Variants in ADGRB3 observed in about 807,000 individuals in gnomAD.
ADGRB3 encodes the protein adhesion G protein-coupled receptor B3, also known as brain-specific angiogenesis inhibitor 3.
In ADGRB3, 37 loss-of-function variants were observed where a neutral mutation model predicts 193.4. That is an observed-to-expected ratio of 0.19 (90% CI 0.15 to 0.25). ADGRB3 has a LOEUF of 0.25. Among genes scored for constraint, ADGRB3 ranks in the 10% least tolerant of loss-of-function variants. The pLI is 1.00. For missense variants in ADGRB3, 1,637 were observed against 1,852.9 expected (o/e 0.88, Z 2.14); for synonymous variants, 690 against 644.2 (o/e 1.07, Z -1.08).
rs531729363 is a variant in ADGRB3, at chr6:69,208,524, C to T, written c.2481-24766C>T. On this transcript the variant is annotated intron_variant, in intron 17 of 31. Transcript: ENST00000370598. Reference sequence around the variant, plus strand: ...AGTTCTGCCCACTGGGAAGATTTCCCGTCACTGCTATCCTTCAGGGATGTC... The same window carrying T: ...AGTTCTGCCCACTGGGAAGATTTCCTGTCACTGCTATCCTTCAGGGATGTC... Among the ~76,000 whole-genome samples the T allele has an allele frequency of 3.9e-5, 6 of 152,314 alleles. No individual in the cohort carries two copies. In the South Asian group the frequency reaches 1.0e-3, roughly 26 times the overall value.
At chr6:69,210,980 G>C (rs1040587679) in intron 17 of ADGRB3, among the ~76,000 whole-genome samples, 2 of 152,134 alleles carry the variant, frequency 1.3e-5, no homozygotes, top group African/African-American at 4.8e-5. Context: ...AAATTAACCA[G>C]GCGTGGTGGC....
intron 17 of ADGRB3, among the ~76,000 whole-genome samples, chr6:69,111,781 G>T (rs1360930283): frequency 6.6e-6 from 1 of 152,142 alleles, no homozygotes; most frequent in African/African-American, 2.4e-5. Flanking sequence ...GTGAAATGCA[G>T]AACAAATAAA....
chr6:69,008,533 T>C (rs1769840327), intron 11 of ADGRB3, among the ~76,000 whole-genome samples: 1 of 152,204 alleles, frequency 6.6e-6, no homozygotes, highest in African/African-American at 2.4e-5. Context: ...GTCTGGCTGA[T>C]ATTTTTATAA....
chr6:68,878,351 T>G (rs1765646668), intron 3 of ADGRB3, among the ~76,000 whole-genome samples: 1 of 152,114 alleles, frequency 6.6e-6, no homozygotes, highest in Non-Finnish European at 1.5e-5. Flanking sequence ...ATTTGTTCAT[T>G]TTGGCCCTAT....
intron 3 of ADGRB3, among the ~76,000 whole-genome samples, chr6:68,862,039 C>T (rs565809645): frequency 6.6e-6 from 1 of 152,228 alleles, no homozygotes; most frequent in African/African-American, 2.4e-5. Flanking sequence ...CAGACACTGT[C>T]CTGTCCTGGA....
At chr6:68,849,148 CT>C (rs1768347215) in intron 3 of ADGRB3, among the ~76,000 whole-genome samples, 1 of 151,872 alleles carries the variant, frequency 6.6e-6, no homozygotes, top group Non-Finnish European at 1.5e-5. Context: ...AGAAATGGTT[CT>C]TGAATCATGA....
At chr6:69,089,667 T>G (rs903492720) in intron 17 of ADGRB3, among the ~76,000 whole-genome samples, 2 of 152,234 alleles carry the variant, frequency 1.3e-5, no homozygotes, top group Admixed American at 6.5e-5. Flanking sequence ...TTTATCTTTG[T>G]AGGATGTACT....
At chr6:69,252,114 C>G (rs1241107354) in intron 20 of ADGRB3, among the ~76,000 whole-genome samples, 1 of 152,078 alleles carries the variant, frequency 6.6e-6, no homozygotes, top group Non-Finnish European at 1.5e-5. Flanking sequence ...ATCGTGAATT[C>G]ATTTTTTCTG....
chr6:68,689,880 C>A (rs1201254611), intron 3 of ADGRB3, among the ~76,000 whole-genome samples: 2 of 152,070 alleles, frequency 1.3e-5, no homozygotes, highest in African/African-American at 2.4e-5. Context: ...GTTTTCTTGA[C>A]CCCAACATTT....
At chr6:69,355,894 A>T (rs373361833) in intron 28 of ADGRB3, 34 bp downstream of exon 28, 22 of 1,495,254 alleles carry the variant, frequency 1.5e-5, no homozygotes, top group Non-Finnish European at 2.0e-5. Context: ...TCTAATCAGT[A>T]GGGATGTTCA....
intron 8 of ADGRB3, among the ~76,000 whole-genome samples, chr6:68,964,869 A>G (rs1768333321): frequency 6.6e-6 from 1 of 152,156 alleles, no homozygotes; most frequent in Non-Finnish European, 1.5e-5. Context: ...ATATTTGCAA[A>G]ATGTATAAAT....
At chr6:68,782,330 C>T (rs1349242411) in intron 3 of ADGRB3, among the ~76,000 whole-genome samples, 1 of 151,728 alleles carries the variant, frequency 6.6e-6, no homozygotes, top group Non-Finnish European at 1.5e-5. Context: ...GCATAGTATT[C>T]CATGGTGTAT....
At chr6:69,081,449 T>C (rs1023159140) in intron 17 of ADGRB3, among the ~76,000 whole-genome samples, 11 of 152,004 alleles carry the variant, frequency 7.2e-5, no homozygotes, top group Non-Finnish European at 1.2e-4. Flanking sequence ...GCAACCCTGC[T>C]CTTCTAGAAA....
chr6:68,863,285 T>C (rs1765205893), intron 3 of ADGRB3, among the ~76,000 whole-genome samples: 1 of 152,048 alleles, frequency 6.6e-6, no homozygotes, highest in African/African-American at 2.4e-5. Context: ...AATGGTCAAA[T>C]ATATTAGAGA....
chr6:68,829,260 CA>C (rs1767909216), intron 3 of ADGRB3, among the ~76,000 whole-genome samples: 1 of 151,828 alleles, frequency 6.6e-6, no homozygotes, highest in Non-Finnish European at 1.5e-5. Flanking sequence ...CCACCATGCC[CA>C]GCTAATTTTT....
chr6:68,885,610 TA>T (rs1765885718), intron 3 of ADGRB3, among the ~76,000 whole-genome samples: 1 of 152,170 alleles, frequency 6.6e-6, no homozygotes, highest in South Asian at 2.1e-4. Flanking sequence ...TGTAGATTCT[TA>T]AAGTGTTGAA....
intron 3 of ADGRB3, among the ~76,000 whole-genome samples, chr6:68,822,610 ACC>A (rs1403810327): frequency 1.3e-5 from 2 of 151,980 alleles, no homozygotes; most frequent in Non-Finnish European, 2.9e-5. Flanking sequence ...TTCAAGGTCC[ACC>A]TGATATCTAT....
At chr6:68,727,915 C>G (rs932798116) in intron 3 of ADGRB3, among the ~76,000 whole-genome samples, 1 of 151,514 alleles carries the variant, frequency 6.6e-6, no homozygotes, top group African/African-American at 2.4e-5. Flanking sequence ...AATTGAACTC[C>G]TTCACCAGAG....
At chr6:69,260,473 C>G (rs1248506916) in intron 20 of ADGRB3, among the ~76,000 whole-genome samples, 1 of 152,106 alleles carries the variant, frequency 6.6e-6, no homozygotes, top group East Asian at 1.9e-4. Flanking sequence ...CTTCTAGACG[C>G]TATTTCAGAG....
Sources: gnomAD v4.1 joint callset for allele counts (sites outside exome capture counted in the v4.1 genomes callset) on GRCh38, gnomAD v4.1.1 for gene constraint, MANE v1.5 for transcripts, NCBI Gene and HGNC (gene_info 2026-07-23, HGNC 2026-07-21) for gene names.